The following IL1RAPL2 variants were observed in gnomAD, a reference collection of about 807,000 sequenced individuals.
IL1RAPL2 encodes the protein X-linked interleukin-1 receptor accessory protein-like 2.
In IL1RAPL2, 3 loss-of-function variants were observed where a neutral mutation model predicts 44.1. The observed-to-expected ratio is 0.07, with a 90% CI of 0.03 to 0.18. The LOEUF is 0.18. IL1RAPL2 is among the 10% of genes least tolerant of loss of function. The probability of loss-of-function intolerance (pLI) is 1.00; values close to 1 mark genes in which losing one functional copy is unlikely to be tolerated. For synonymous variants in IL1RAPL2, 181 were observed against 178.8 expected (o/e 1.01, Z -0.10); for missense variants, 391 against 496.4 (o/e 0.79, Z 2.02).
At chrX:105,440,217 A>T (rs1371563771) in intron 5 of IL1RAPL2, among the ~76,000 whole-genome samples, 2 of 111,974 alleles carry the variant, frequency 1.8e-5, no homozygotes, top group East Asian at 5.6e-4. Flanking sequence ...CTGCTCAACA[A>T]TGTTTTCTTT....
At chrX:105,475,443 G>A (rs1330179407) in intron 5 of IL1RAPL2, among the ~76,000 whole-genome samples, 1 of 110,574 alleles carries the variant, frequency 9.0e-6, no homozygotes, top group Non-Finnish European at 1.9e-5. Context: ...CTTTAAGCAA[G>A]GTAAAAATTC....
intron 6 of IL1RAPL2, among the ~76,000 whole-genome samples, chrX:105,642,661 T>C (rs1303988586): frequency 8.9e-6 from 1 of 112,363 alleles, no homozygotes; most frequent in Non-Finnish European, 1.9e-5. Context: ...ATTTCTACTC[T>C]ATTCACTTGT....
At chrX:105,598,105 G>A (rs1030287441) in intron 6 of IL1RAPL2, among the ~76,000 whole-genome samples, 3 of 110,957 alleles carry the variant, frequency 2.7e-5, no homozygotes, top group African/African-American at 9.8e-5. Flanking sequence ...TAGATATGGA[G>A]ATCATAATAG....
At chrX:105,494,245 C>A (rs1934058465) in intron 6 of IL1RAPL2, among the ~76,000 whole-genome samples, 1 of 111,114 alleles carries the variant, frequency 9.0e-6, no homozygotes, top group Non-Finnish European at 1.9e-5. Flanking sequence ...ATCTTCTAAC[C>A]CATCTTATTC....
At chrX:105,720,743 A>G (rs1034908816) in intron 7 of IL1RAPL2, among the ~76,000 whole-genome samples, 6 of 110,862 alleles carry the variant, frequency 5.4e-5, no homozygotes, top group African/African-American at 2.0e-4. Context: ...CTTGAATTAT[A>G]TAGTAGACAT....
chrX:105,130,719 A>G (rs1191226311), intron 2 of IL1RAPL2, among the ~76,000 whole-genome samples: 1 of 111,287 alleles, frequency 9.0e-6, no homozygotes, highest in East Asian at 2.8e-4. Context: ...TTCCATTTTC[A>G]CATTGACTTT....
intron 6 of IL1RAPL2, among the ~76,000 whole-genome samples, chrX:105,653,275 C>T (rs1160562679): frequency 9.0e-6 from 1 of 111,279 alleles, no homozygotes; most frequent in Admixed American, 9.6e-5. Flanking sequence ...CATAAAAATG[C>T]ATGAGAATGT....
intron 5 of IL1RAPL2, among the ~76,000 whole-genome samples, chrX:105,470,077 C>T (rs913383114): frequency 9.0e-6 from 1 of 111,117 alleles, no homozygotes; most frequent in African/African-American, 3.3e-5. Flanking sequence ...TGAAGTGGTC[C>T]TGTAGATATT....
chrX:104,797,192 C>A (rs1028867136), intron 2 of IL1RAPL2, among the ~76,000 whole-genome samples: 2 of 33,092 alleles, frequency 6.0e-5, no homozygotes, highest in African/African-American at 1.1e-4. Flanking sequence ...TCAGCCCCCC[C>A]CCCCCCCCCG....
chrX:104,906,408 T>C (rs1924008525), intron 2 of IL1RAPL2, among the ~76,000 whole-genome samples: 2 of 111,105 alleles, frequency 1.8e-5, no homozygotes, highest in African/African-American at 6.5e-5. Context: ...TGCTTCCAGT[T>C]TTTGCCCATT....
chrX:104,992,145 C>A (rs1375494220), intron 2 of IL1RAPL2, among the ~76,000 whole-genome samples: 4 of 110,930 alleles, frequency 3.6e-5, no homozygotes, highest in Non-Finnish European at 7.6e-5. Context: ...TAAACAAGGA[C>A]CAGATCATGA....
chrX:104,591,889 G>A (rs767687113), intron 1 of IL1RAPL2, among the ~76,000 whole-genome samples: 1 of 109,895 alleles, frequency 9.1e-6, no homozygotes, highest in Non-Finnish European at 1.9e-5. Flanking sequence ...ATCTGGGAGC[G>A]TATCTCATTT....
At position 104,916,048 on chromosome X, in the gene IL1RAPL2, G is replaced by C. The variant is rs1924417023; in HGVS notation, c.82+257053G>C. Among the ~76,000 whole-genome samples the C allele has an allele frequency of 2.7e-5, 3 of 111,730 alleles. No individual in the cohort carries two copies. The Admixed American group carries it at 2.9e-4, about 11-fold the overall frequency. ...TTTGGCTTAGGATTGACTTGGCCAT[G>C]TGGGCTCTTTTTTGTTTCCATATGA... On this transcript the variant is annotated intron_variant, in intron 2 of 10. Transcript: ENST00000372582.
Position 104,585,247 on chromosome X carries a change from G to C in IL1RAPL2, c.-20+18196G>C, listed in dbSNP as rs192130003. ...ATATATGTGTATATATATAATATAT[G>C]ATATATAATATATATATAATATATT... is the stretch of plus-strand genomic sequence containing the variant. On this transcript the variant is annotated intron_variant, in intron 1 of 10. Coordinates refer to ENST00000372582, the MANE Select transcript of IL1RAPL2 (RefSeq NM_017416.2). 4.2e-3 allele frequency among the ~76,000 whole-genome samples: 86 copies of C among 20,642 alleles called. 5 individuals are homozygous for C. Among genetic ancestry groups the C allele is most frequent in the African/African-American group, 0.022 (81 of 3,697 alleles). The allele number at this position is 20,642 out of a possible 115,157, so 17.9% of individuals were successfully genotyped here.
intron 4 of IL1RAPL2, among the ~76,000 whole-genome samples, chrX:105,235,282 C>A (rs191514468): frequency 8.9e-6 from 1 of 111,834 alleles, no homozygotes; most frequent in Non-Finnish European, 1.9e-5. Flanking sequence ...CTGGGGCCCA[C>A]GGTCTTGTAA....
chrX:105,325,576 T>C (rs28861437), intron 5 of IL1RAPL2, among the ~76,000 whole-genome samples: 135 of 93,739 alleles, frequency 1.4e-3, no homozygotes, highest in African/African-American at 3.7e-3. Context: ...TATATATATA[T>C]ACACATATGT....
At chrX:105,072,036 T>C (rs2032214273) in intron 2 of IL1RAPL2, among the ~76,000 whole-genome samples, 1 of 111,741 alleles carries the variant, frequency 8.9e-6, no homozygotes, top group East Asian at 2.8e-4. Flanking sequence ...AAATCTCATC[T>C]TGAATTGTAG....
intron 6 of IL1RAPL2, among the ~76,000 whole-genome samples, chrX:105,512,985 T>A (rs1310422955): frequency 9.0e-6 from 1 of 110,767 alleles, no homozygotes; most frequent in African/African-American, 3.3e-5. Context: ...GTTCTCATTG[T>A]TCAACTCCCA....
intron 6 of IL1RAPL2, among the ~76,000 whole-genome samples, chrX:105,671,035 C>T (rs1466801801): frequency 9.1e-6 from 1 of 110,109 alleles, no homozygotes; most frequent in Non-Finnish European, 1.9e-5. Context: ...GCAACCTCCG[C>T]CTCCCAGGTT....
Sources: allele counts gnomAD v4.1 joint callset (sites outside exome capture counted in the v4.1 genomes callset), GRCh38; gene constraint gnomAD v4.1.1; transcripts MANE v1.5; gene names NCBI Gene and HGNC (gene_info 2026-07-23, HGNC 2026-07-21).